Variants in LRRTM4 observed in about 807,000 individuals in gnomAD.
LRRTM4 encodes leucine rich repeat transmembrane neuronal 4, also known as leucine-rich repeat transmembrane neuronal protein 4.
Under a neutral mutation model 47.6 loss-of-function variants are expected in LRRTM4, and 25 were observed. That is an observed-to-expected ratio of 0.53 (90% CI 0.38 to 0.73). The LOEUF (loss-of-function observed/expected upper bound fraction) is 0.73. Among genes scored for constraint, LRRTM4 ranks in the 30% least tolerant of loss-of-function variants. LRRTM4 has a pLI of 0.00. For synonymous variants in LRRTM4, 311 were observed against 269.5 expected, an observed-to-expected ratio of 1.15 and a Z score of -1.51; for missense variants, 638 against 713.4, an observed-to-expected ratio of 0.89 and a Z score of 1.20.
intron 3 of LRRTM4, among the ~76,000 whole-genome samples, chr2:77,188,296 G>A (rs1241357535): frequency 1.3e-5 from 2 of 152,048 alleles, no homozygotes; most frequent in African/African-American, 4.8e-5. Flanking sequence ...TCCCCTCTAT[G>A]GGGAAAATGA....
chr2:77,304,241 A>G (rs1677213171), intron 3 of LRRTM4, among the ~76,000 whole-genome samples: 1 of 152,160 alleles, frequency 6.6e-6, no homozygotes, highest in Admixed American at 6.5e-5. Context: ...GGCCATTTGT[A>G]TGTCTTTTGA....
chr2:76,821,208 A>G (rs1462790933), intron 3 of LRRTM4, among the ~76,000 whole-genome samples: 1 of 151,748 alleles, frequency 6.6e-6, no homozygotes, highest in East Asian at 1.9e-4. Flanking sequence ...AACAAAGCCA[A>G]AACTTTTATG....
chr2:76,979,271 C>A (rs1573396465), intron 3 of LRRTM4, among the ~76,000 whole-genome samples: 1 of 152,042 alleles, frequency 6.6e-6, no homozygotes, highest in East Asian at 1.9e-4. Context: ...AGTAGGGTGT[C>A]TATTACTACT....
chr2:77,095,940 T>C (rs955315254), intron 3 of LRRTM4, among the ~76,000 whole-genome samples: 5 of 152,188 alleles, frequency 3.3e-5, no homozygotes, highest in African/African-American at 1.2e-4. Context: ...GAATAAGTTT[T>C]ATTAATCTTT....
At chr2:77,438,335 T>C (rs535279878) in intron 3 of LRRTM4, among the ~76,000 whole-genome samples, 4 of 151,440 alleles carry the variant, frequency 2.6e-5, no homozygotes, top group East Asian at 1.9e-4. Context: ...GTGGAAATAA[T>C]AGTGTGTCTC....
At chr2:77,010,788 TAATG>T (rs1367902307) in intron 3 of LRRTM4, among the ~76,000 whole-genome samples, 20 of 152,238 alleles carry the variant, frequency 1.3e-4, no homozygotes, top group African/African-American at 4.8e-4. Flanking sequence ...AATAAATAAA[TAATG>T]AATCCACTGT....
At chr2:77,381,904 A>T (rs1471000658) in intron 3 of LRRTM4, among the ~76,000 whole-genome samples, 1 of 152,078 alleles carries the variant, frequency 6.6e-6, no homozygotes, top group Non-Finnish European at 1.5e-5. Context: ...ACTTATTTAT[A>T]TGCCATTTAT....
At chr2:76,967,173 T>A (rs1676055149) in intron 3 of LRRTM4, among the ~76,000 whole-genome samples, 1 of 145,076 alleles carries the variant, frequency 6.9e-6, no homozygotes, top group African/African-American at 2.7e-5. Context: ...TTTTTTTTTT[T>A]ATTCTTAGGA....
chr2:76,771,018 C>A (rs1031202531), intron 3 of LRRTM4, among the ~76,000 whole-genome samples: 2 of 152,178 alleles, frequency 1.3e-5, no homozygotes, highest in Non-Finnish European at 2.9e-5. Flanking sequence ...CTGTCAAATG[C>A]AAGCCCTTAC....
At chr2:77,477,901 GAA>G (rs72353244) in intron 3 of LRRTM4, among the ~76,000 whole-genome samples, 43 of 71,100 alleles carry the variant, frequency 6.0e-4, no homozygotes, top group Admixed American at 3.1e-3. Flanking sequence ...GAAAAAGAAA[GAA>G]AAAGAAAGAA....
At chr2:77,103,020 G>A (rs1670998322) in intron 3 of LRRTM4, among the ~76,000 whole-genome samples, 1 of 152,162 alleles carries the variant, frequency 6.6e-6, no homozygotes, top group Non-Finnish European at 1.5e-5. Flanking sequence ...GTAGACACGA[G>A]ATTGAAGGGC....
chr2:77,085,305 G>A (rs943752252), intron 3 of LRRTM4, among the ~76,000 whole-genome samples: 1 of 150,930 alleles, frequency 6.6e-6, no homozygotes, highest in Admixed American at 6.6e-5. Context: ...CTACAAGAGT[G>A]ATCCACTAAC....
chr2:77,169,326 T>C (rs1374877943), intron 3 of LRRTM4, among the ~76,000 whole-genome samples: 1 of 152,202 alleles, frequency 6.6e-6, no homozygotes, highest in Non-Finnish European at 1.5e-5. Flanking sequence ...AAAATCTTAA[T>C]GACTGAACAT....
chr2:76,998,256 TC>T (rs1390668256), intron 3 of LRRTM4, among the ~76,000 whole-genome samples: 1 of 152,074 alleles, frequency 6.6e-6, no homozygotes, highest in Non-Finnish European at 1.5e-5. Flanking sequence ...CTGCCTGCTA[TC>T]CCATTCAGCT....
intron 3 of LRRTM4, among the ~76,000 whole-genome samples, chr2:77,090,931 C>T (rs1227620764): frequency 2.0e-5 from 3 of 152,050 alleles, no homozygotes; most frequent in Non-Finnish European, 2.9e-5. Context: ...TAAGCCCATC[C>T]CCTTCTTAAT....
rs1381684776 is a variant in LRRTM4 at position 77,402,216 on chromosome 2, G to GGTTC, written c.1551+116098_1551+116101dup. 4.6e-5 allele frequency among the ~76,000 whole-genome samples: 7 copies of GGTTC among 152,046 alleles called. No homozygotes were observed. In the South Asian group the frequency reaches 1.5e-3, roughly 32 times the overall value. The stretch of plus-strand genomic sequence containing the variant: ...GCTGGAGTGCAGTGATGTGATTATA[G>GGTTC]GTTCCTGCAGCTTCAAACTCCTAGG... On this transcript the variant is annotated intron_variant, in intron 3 of 3. Coordinates refer to ENST00000409884, the MANE Select transcript of LRRTM4 (RefSeq NM_001134745.3).
At chr2:76,829,085 T>TC (rs2103887071) in intron 3 of LRRTM4, among the ~76,000 whole-genome samples, 1 of 152,084 alleles carries the variant, frequency 6.6e-6, no homozygotes, top group Admixed American at 6.6e-5. Context: ...GTGGTGTCCT[T>TC]CAAGTCCACA....
At chr2:77,441,508 T>C (rs1675841142) in intron 3 of LRRTM4, among the ~76,000 whole-genome samples, 1 of 152,202 alleles carries the variant, frequency 6.6e-6, no homozygotes, top group Admixed American at 6.5e-5. Context: ...CTTTTACTGA[T>C]TATTTCATTT....
intron 3 of LRRTM4, among the ~76,000 whole-genome samples, chr2:77,339,824 G>A (rs1226048582): frequency 1.3e-5 from 2 of 151,892 alleles, no homozygotes; most frequent in African/African-American, 4.8e-5. Flanking sequence ...CCTGAGCAGA[G>A]GAAAGGTTGT....
Sources: allele counts gnomAD v4.1 joint callset (sites outside exome capture counted in the v4.1 genomes callset), GRCh38; gene constraint gnomAD v4.1.1; transcripts MANE v1.5; gene names NCBI Gene and HGNC (gene_info 2026-07-23, HGNC 2026-07-21).